The following PCCA variants were observed in gnomAD, a reference collection of about 807,000 sequenced individuals.
PCCA encodes the protein propionyl-CoA carboxylase alpha chain, mitochondrial.
Under a neutral mutation model 101.3 loss-of-function variants are expected in PCCA, and 74 were observed. The ratio of observed to expected loss-of-function variants is 0.73; its 90% confidence interval spans 0.61 to 0.89. The LOEUF (loss-of-function observed/expected upper bound fraction) is 0.89. Among genes scored for constraint, PCCA ranks in the 40% least tolerant of loss-of-function variants. The pLI, the probability that PCCA is intolerant of heterozygous loss-of-function variation, is 0.00. For missense variants in PCCA, 891 were observed against 907.0 expected (o/e 0.98, Z 0.23); for synonymous variants, 294 against 313.6 (o/e 0.94, Z 0.66).
intron 17 of PCCA, among the ~76,000 whole-genome samples, chr13:100,339,939 C>T (rs1338058480): frequency 1.3e-5 from 2 of 152,170 alleles, no homozygotes; most frequent in South Asian, 4.1e-4. Context: ...AATTAAACTT[C>T]TTTCCCAATA....
In PCCA at chr13:100,449,305, GGTAA is replaced by G. The variant is rs794727334; in HGVS notation, c.1899+4_1899+7del. Reference sequence around the variant, plus strand: ...TGAGCATTCAGTTTCTTGGTACAGTGGTAAGTATGAAATCATTCTTTATTCTCTT... The same window carrying G: ...TGAGCATTCAGTTTCTTGGTACAGTGGTATGAAATCATTCTTTATTCTCTT... On this transcript the variant is annotated splice_donor_variant and splice_donor_region_variant and intron_variant, in intron 21 of 23. Coordinates refer to ENST00000376285, the MANE Select transcript of PCCA (RefSeq NM_000282.4). LOFTEE classifies it high-confidence loss of function. 42 of 1,508,700 alleles carry G rather than the reference GGTAA, an allele frequency of 2.8e-5. No individual in the cohort carries two copies. In the Admixed American group the frequency reaches 5.1e-4, roughly 18 times the overall value. The allele number at this position is 1,508,700 out of a possible 1,614,324, so 93.5% of individuals were successfully genotyped here. A position where few individuals can be genotyped will look rare whatever the true frequency, so the allele number is the denominator to read the frequency against.
intron 16 of PCCA, among the ~76,000 whole-genome samples, chr13:100,327,407 C>G: frequency 6.6e-6 from 1 of 152,142 alleles, no homozygotes; most frequent in Admixed American, 6.5e-5. Context: ...GTTATTGACT[C>G]TGTGTGTGTA....
At chr13:100,449,785 C>G (rs924160389) in intron 21 of PCCA, among the ~76,000 whole-genome samples, 1 of 152,170 alleles carries the variant, frequency 6.6e-6, no homozygotes, top group South Asian at 2.1e-4. Context: ...CATGTCCGGC[C>G]TGGAATTATT....
chr13:100,293,937 T>TA (rs1329520201), intron 12 of PCCA, among the ~76,000 whole-genome samples: 1 of 152,190 alleles, frequency 6.6e-6, no homozygotes, highest in Non-Finnish European at 1.5e-5. Flanking sequence ...GGACTCTTTT[T>TA]ATCTATGTTT....
At chr13:100,340,321 T>C in intron 18 of PCCA, 62 bp downstream of exon 18, 1 of 856,014 alleles carries the variant, frequency 1.2e-6, no homozygotes, top group Non-Finnish European at 2.0e-6. Context: ...CCAGTCTACA[T>C]AGGAAATACT....
In PCCA at chr13:100,318,123, C is replaced by T. The variant is rs113497968; in HGVS notation, c.1429+8215C>T. Among the ~76,000 whole-genome samples the T allele has an allele frequency of 1.6e-3, 241 of 152,276 alleles. 2 individuals are homozygous for T. The highest frequency in any genetic ancestry group is 5.6e-3 in the African/African-American group (232 of 41,550). The stretch of plus-strand genomic sequence containing the variant: ...TCTGGATTGCATAAATCTAGTCATA[C>T]CTGCCCTGCTTCCCATTCTAGTTGC... On this transcript the variant is annotated intron_variant, in intron 16 of 23. Coordinates refer to ENST00000376285, the MANE Select transcript of PCCA (RefSeq NM_000282.4).
At chr13:100,123,501 CTGTATGATG>C (rs1299539254) in intron 4 of PCCA, among the ~76,000 whole-genome samples, 1 of 152,132 alleles carries the variant, frequency 6.6e-6, no homozygotes, top group East Asian at 1.9e-4. Flanking sequence ...TGATAAAACA[CTGTATGATG>C]TGAATTTAAA....
chr13:100,101,229 T>G (rs564599843), intron 1 of PCCA, among the ~76,000 whole-genome samples: 19 of 152,224 alleles, frequency 1.2e-4, no homozygotes, highest in Non-Finnish European at 2.5e-4. Flanking sequence ...GAGTAGATAT[T>G]AGTGTTTATC....
intron 8 of PCCA, among the ~76,000 whole-genome samples, chr13:100,250,239 T>C (rs1357888117): frequency 1.3e-5 from 2 of 152,186 alleles, no homozygotes; most frequent in African/African-American, 4.8e-5. Context: ...ACAAGAAATT[T>C]CTCTTTATTC....
At chr13:100,227,121 G>C (rs1413610011) in intron 7 of PCCA, among the ~76,000 whole-genome samples, 1 of 151,668 alleles carries the variant, frequency 6.6e-6, no homozygotes, top group African/African-American at 2.4e-5. Context: ...GCAGGCATGC[G>C]CCACCACGCC....
chr13:100,250,524 A>AT (rs1401040608), intron 8 of PCCA, among the ~76,000 whole-genome samples: 1 of 151,742 alleles, frequency 6.6e-6, no homozygotes, highest in Non-Finnish European at 1.5e-5. Context: ...CATCATGTTT[A>AT]TTTTTTTCTC....
chr13:100,163,795 C>T (rs973826714), intron 6 of PCCA, among the ~76,000 whole-genome samples: 2 of 152,054 alleles, frequency 1.3e-5, no homozygotes, highest in African/African-American at 2.4e-5. Context: ...CTCTCAGTCT[C>T]CCCTTTTTTT....
chr13:100,200,234 A>T (rs992059972), intron 6 of PCCA, among the ~76,000 whole-genome samples: 6 of 152,094 alleles, frequency 3.9e-5, no homozygotes, highest in Admixed American at 2.0e-4. Context: ...CCTCCTGAGT[A>T]GGACTGCTGG....
Position 100,374,370 on chromosome 13 carries a change from T to C in PCCA, c.1746+5796T>C, listed in dbSNP as rs376543567. ...TGGTGATAAGCCGAAAAGTACCCAATAACAAACTGATTTTTATTATAATTA... is the reference window on the plus strand; with the variant it reads ...TGGTGATAAGCCGAAAAGTACCCAACAACAAACTGATTTTTATTATAATTA... On this transcript the variant is annotated intron_variant, in intron 19 of 23. Coordinates refer to ENST00000376285, the MANE Select transcript of PCCA (RefSeq NM_000282.4). 1.0e-3 allele frequency among the ~76,000 whole-genome samples: 158 copies of C among 152,218 alleles called. 4 individuals carry two copies. In the South Asian group the frequency reaches 0.03, roughly 29 times the overall value.
intron 10 of PCCA, among the ~76,000 whole-genome samples, chr13:100,264,626 A>G (rs1340502923): frequency 6.6e-6 from 1 of 151,992 alleles, no homozygotes; most frequent in Non-Finnish European, 1.5e-5. Context: ...GTTTATCCAT[A>G]TTGTTGTTGA....
At chr13:100,309,720 T>C in intron 15 of PCCA, 113 bp from the exon 16 acceptor site, 2 of 679,614 alleles carry the variant, frequency 2.9e-6, no homozygotes, top group Non-Finnish European at 2.5e-6. Flanking sequence ...TCATAAAATT[T>C]CGAGATATAT....
intron 18 of PCCA, among the ~76,000 whole-genome samples, chr13:100,346,954 A>T (rs1170346379): frequency 1.3e-5 from 2 of 151,860 alleles, no homozygotes; most frequent in African/African-American, 2.4e-5. Context: ...GTTCACTGCA[A>T]CCTCCGCCTC....
At chr13:100,264,725 G>A (rs1445483499) in intron 10 of PCCA, among the ~76,000 whole-genome samples, 1 of 152,110 alleles carries the variant, frequency 6.6e-6, no homozygotes, top group Non-Finnish European at 1.5e-5. Context: ...ATAGACTGAG[G>A]AGAGGTATTG....
chr13:100,501,573 A>C (rs971029984), intron 21 of PCCA, among the ~76,000 whole-genome samples: 2 of 152,098 alleles, frequency 1.3e-5, no homozygotes, highest in Non-Finnish European at 2.9e-5. Context: ...CTGGGAACTC[A>C]CTAGAAATGC....
Sources: allele counts gnomAD v4.1 joint callset (sites outside exome capture counted in the v4.1 genomes callset), GRCh38; gene constraint gnomAD v4.1.1; transcripts MANE v1.5; gene names NCBI Gene and HGNC (gene_info 2026-07-23, HGNC 2026-07-21).